C3orf33: variants seen among roughly 807,000 people sequenced by gnomAD.
C3orf33 encodes the protein AP-1 activity suppressor.
A neutral mutation model predicts 28.7 loss-of-function variants in C3orf33; 23 were observed. That is an observed-to-expected ratio of 0.80 (90% confidence interval 0.58 to 1.13). The LOEUF (loss-of-function observed/expected upper bound fraction) is 1.13. C3orf33 is among the 50% of genes most tolerant of loss of function. The pLI is 0.00. For missense variants in C3orf33, 327 were observed against 353.4 expected (o/e 0.93, Z 0.60); for synonymous variants, 119 against 120.5 (o/e 0.99, Z 0.08).
chr3:155,782,069 G>C (rs1354651444), intron 2 of C3orf33, among the ~76,000 whole-genome samples: 1 of 151,674 alleles, frequency 6.6e-6, no homozygotes, highest in Non-Finnish European at 1.5e-5. Flanking sequence ...AAATTAGCCA[G>C]GTGTGGTGGT....
chr3:155,781,197 G>A (rs113496915), intron 2 of C3orf33, among the ~76,000 whole-genome samples: 2,796 of 150,026 alleles, frequency 0.019, 103 homozygotes, highest in African/African-American at 0.066. Context: ...TAGTAGAGAC[G>A]GGGTTTCACC....
chr3:155,763,577 G>A lies in C3orf33; in HGVS notation c.825C>T (p.Cys275=). 1.3e-6 allele frequency: 2 copies of A among 1,572,652 alleles called. No individual in the cohort carries two copies. The highest frequency in any genetic ancestry group is 2.8e-5 in the African/African-American group (2 of 72,332). The change falls in exon 5 of 5, where the codon TGC becomes TGT. Residue 275 remains cysteine (C), a synonymous_variant. Coordinates refer to ENST00000340171, the MANE Select transcript of C3orf33 (RefSeq NM_001308229.2). ...YEIWKDNMNN[C]SLILKFRELI... ...GTTCTCTGAACTTCAGTATTAAGGAGCAGTTGTTCATGTTGTCTTTCCATA... is the reference window on the plus strand; with the variant it reads ...GTTCTCTGAACTTCAGTATTAAGGAACAGTTGTTCATGTTGTCTTTCCATA...
At chr3:155,773,644 T>C (rs1007966516) in intron 3 of C3orf33, among the ~76,000 whole-genome samples, 21 of 152,188 alleles carry the variant, frequency 1.4e-4, no homozygotes, top group Admixed American at 1.4e-3. Context: ...AATATAAAAA[T>C]CATACATGGC....
In C3orf33 at chr3:155,805,502, T is replaced by C. The variant is rs1361358952; in HGVS notation, c.114+637A>G. On this transcript the variant is annotated intron_variant, in intron 1 of 4. Coordinates refer to ENST00000340171, the MANE Select transcript of C3orf33 (RefSeq NM_001308229.2). ...TCGGGAGGCTGAGGTGGGAGATCAC[T>C]TGAGGCCAGGAGTTGGAGGACAGCC... The C allele has an allele frequency of 9.6e-6, 4 of 418,098 alleles. No individual in the cohort carries two copies. The Admixed American group carries it at 1.0e-4, about 11-fold the overall frequency. The allele number at this position is 418,098 out of a possible 1,614,324, so 25.9% of individuals were successfully genotyped here. A position where few individuals can be genotyped will look rare whatever the true frequency, so the allele number is the denominator to read the frequency against.
intron 2 of C3orf33, among the ~76,000 whole-genome samples, chr3:155,779,577 G>T (rs543883495): frequency 2.0e-5 from 3 of 152,094 alleles, no homozygotes; most frequent in Non-Finnish European, 2.9e-5. Context: ...TTACAGGCGT[G>T]AGCCACCGTG....
At chr3:155,798,013 G>T (rs2109279670) in intron 2 of C3orf33, among the ~76,000 whole-genome samples, 1 of 151,030 alleles carries the variant, frequency 6.6e-6, no homozygotes, top group East Asian at 2.0e-4. Context: ...GGAGGTTTCA[G>T]TGAGCCAAGA....
intron 2 of C3orf33, among the ~76,000 whole-genome samples, chr3:155,792,066 C>G (rs1378293208): frequency 6.6e-6 from 1 of 152,096 alleles, no homozygotes; most frequent in Admixed American, 6.5e-5. Flanking sequence ...CAAATACAAT[C>G]CCAGTGTTGG....
intron 1 of C3orf33, among the ~76,000 whole-genome samples, chr3:155,804,372 C>A (rs7652960): frequency 6.6e-6 from 1 of 152,048 alleles, no homozygotes; most frequent in Non-Finnish European, 1.5e-5. Context: ...TGAGTTTTCA[C>A]CAATTAACAC....
chr3:155,778,453 G>C (rs1250645815), intron 2 of C3orf33, among the ~76,000 whole-genome samples: 1 of 152,114 alleles, frequency 6.6e-6, no homozygotes, highest in African/African-American at 2.4e-5. Flanking sequence ...GCTTTGAATT[G>C]GTTTCACAAA....
chr3:155,798,220 T>C (rs1751536644), intron 2 of C3orf33, among the ~76,000 whole-genome samples: 1 of 152,142 alleles, frequency 6.6e-6, no homozygotes, highest in Non-Finnish European at 1.5e-5. Context: ...ACAGATTCAA[T>C]GCAATCCCTA....
intron 2 of C3orf33, among the ~76,000 whole-genome samples, chr3:155,777,197 C>T (rs1429524779): frequency 1.3e-5 from 2 of 151,856 alleles, no homozygotes; most frequent in African/African-American, 2.4e-5. Context: ...GCCTGTAATC[C>T]CAGCTACTTG....
At chr3:155,766,677 A>G (rs891382433) in intron 4 of C3orf33, among the ~76,000 whole-genome samples, 1 of 152,264 alleles carries the variant, frequency 6.6e-6, no homozygotes, top group African/African-American at 2.4e-5. Flanking sequence ...TTATGGCCAC[A>G]GTGGCTCATG....
At chr3:155,803,839 G>A (rs918127569) in intron 1 of C3orf33, among the ~76,000 whole-genome samples, 1 of 151,156 alleles carries the variant, frequency 6.6e-6, no homozygotes, top group African/African-American at 2.4e-5. Context: ...CCGAGATTGT[G>A]CCACTGCACT....
chr3:155,763,991 T>A, intron 4 of C3orf33, 73 bp from the exon 5 acceptor site: 1 of 1,123,334 alleles, frequency 8.9e-7, no homozygotes, highest in Non-Finnish European at 1.1e-6. Flanking sequence ...TTATTTACCT[T>A]AAAAATCAGT....
chr3:155,780,450 A>G, intron 2 of C3orf33, among the ~76,000 whole-genome samples: 1 of 152,274 alleles, frequency 6.6e-6, no homozygotes, highest in East Asian at 1.9e-4. Context: ...AACCTTGATC[A>G]AAAGATTATT....
At position 155,763,541 on chromosome 3, in the gene C3orf33, G is replaced by A. The variant is rs199756382; in HGVS notation, c.861C>T (p.Arg287=). The A allele has an allele frequency of 2.6e-4, 392 of 1,516,908 alleles. No individual in the cohort carries two copies. Among genetic ancestry groups the A allele is most frequent in the Non-Finnish European group, 3.3e-4 (371 of 1,140,288 alleles). The allele number at this position is 1,516,908 out of a possible 1,614,324, so 94.0% of individuals were successfully genotyped here. A position where few individuals can be genotyped will look rare whatever the true frequency, so the allele number is the denominator to read the frequency against. Residue 287 remains arginine, a synonymous_variant, in exon 5 of 5, where the codon CGC becomes CGT. Coordinates refer to ENST00000340171, the MANE Select transcript of C3orf33 (RefSeq NM_001308229.2). ...TTCACCCTTTTCTACGAAAGTTTAT[G>A]CGACTTATAAGTTCTCTGAACTTCA... ...LILKFRELIS[R]INFRRKG
chr3:155,783,022 T>TA (rs1750977763), intron 2 of C3orf33, among the ~76,000 whole-genome samples: 2 of 152,018 alleles, frequency 1.3e-5, no homozygotes, highest in African/African-American at 2.4e-5. Context: ...ACCAGAAAAA[T>TA]AAAAAAATCT....
intron 3 of C3orf33, among the ~76,000 whole-genome samples, chr3:155,770,390 G>A (rs1021836912): frequency 2.6e-5 from 4 of 152,318 alleles, no homozygotes; most frequent in Admixed American, 6.5e-5. Flanking sequence ...AGCTGTGGAT[G>A]TCTCTGGCGA....
intron 3 of C3orf33, among the ~76,000 whole-genome samples, chr3:155,775,038 T>C (rs1750698744): frequency 6.6e-6 from 1 of 152,176 alleles, no homozygotes; most frequent in Non-Finnish European, 1.5e-5. Context: ...TAGGACAACT[T>C]TTCATTTGTT....
Sources: gnomAD v4.1 joint callset for allele counts (sites outside exome capture counted in the v4.1 genomes callset) on GRCh38, gnomAD v4.1.1 for gene constraint, MANE v1.5 for transcripts, NCBI Gene and HGNC (gene_info 2026-07-23, HGNC 2026-07-21) for gene names.